ASH1L: variants seen among roughly 807,000 people sequenced by gnomAD.
ASH1L encodes histone-lysine N-methyltransferase ASH1L.
A neutral mutation model predicts 269.0 loss-of-function variants in ASH1L; 23 were observed. The observed-to-expected ratio is 0.09, with a 90% CI of 0.06 to 0.12. The LOEUF (loss-of-function observed/expected upper bound fraction) is 0.12. Ranked by LOEUF, ASH1L falls within the 10% of genes least tolerant of loss-of-function variation. The pLI, the probability that ASH1L is intolerant of heterozygous loss-of-function variation, is 1.00. For synonymous variants in ASH1L, 1,187 were observed against 1,253.5 expected (o/e 0.95, Z 1.12); for missense variants, 2,912 against 3,567.8 (o/e 0.82, Z 4.68).
At chr1:155,527,219 A>C (rs909331028) in intron 1 of ASH1L, among the ~76,000 whole-genome samples, 1 of 150,628 alleles carries the variant, frequency 6.6e-6, no homozygotes. Context: ...AAAAAAAAGA[A>C]AAAAAAAAAT....
chr1:155,423,256 C>CT (rs938204009), intron 5 of ASH1L, among the ~76,000 whole-genome samples: 8 of 145,406 alleles, frequency 5.5e-5, no homozygotes, highest in Non-Finnish European at 1.2e-4. Flanking sequence ...GACATGTATG[C>CT]TTTTTTAAGG....
chr1:155,555,079 G>A (rs554357328), intron 1 of ASH1L, among the ~76,000 whole-genome samples: 126 of 149,522 alleles, frequency 8.4e-4, no homozygotes, highest in African/African-American at 2.9e-3. Flanking sequence ...GGAGGAAGAG[G>A]TGCAGTGAGC....
intron 2 of ASH1L, among the ~76,000 whole-genome samples, chr1:155,483,616 C>CT (rs201503922): frequency 6.1e-5 from 9 of 148,294 alleles, no homozygotes; most frequent in African/African-American, 2.2e-4. Context: ...TAACTACATC[C>CT]TTTGACCCAG....
chr1:155,433,839 C>T (rs774325974), intron 5 of ASH1L: 59 of 1,606,714 alleles, frequency 3.7e-5, no homozygotes, highest in Non-Finnish European at 4.8e-5. Flanking sequence ...CTTCAGGAGA[C>T]ATGCAAAGCA....
Position 155,480,818 on chromosome 1 carries a change from C to G in ASH1L, c.2052G>C (p.Leu684=). The change falls in exon 3 of 28, where the codon CTG becomes CTC. Residue 684 remains leucine, a synonymous_variant. Coordinates refer to ENST00000392403, the MANE Select transcript of ASH1L (RefSeq NM_018489.3). The part of the protein sequence containing the change: ...SLFSNKPFLK[L]GAVSASDKHC... The stretch of plus-strand genomic sequence containing the variant: ...GTTTGTCTGATGCAGATACTGCACC[C>G]AGTTTTAAAAAAGGCTTATTACTAA... 1 of 1,613,746 alleles carries G rather than the reference C, an allele frequency of 6.2e-7. No individual in the cohort carries two copies. The highest frequency in any genetic ancestry group is 2.2e-5 in the East Asian group (1 of 44,874).
At chr1:155,421,011 A>G (rs945686768) in intron 5 of ASH1L, among the ~76,000 whole-genome samples, 1 of 151,056 alleles carries the variant, frequency 6.6e-6, no homozygotes, top group African/African-American at 2.4e-5. Context: ...CTGAGGCAGG[A>G]GGATCACTTG....
At chr1:155,546,498 T>G (rs905222264) in intron 1 of ASH1L, among the ~76,000 whole-genome samples, 1 of 151,930 alleles carries the variant, frequency 6.6e-6, no homozygotes, top group Admixed American at 6.6e-5. Context: ...CGGTGGCTCA[T>G]GCCTATAATC....
At chr1:155,536,321 C>CT in intron 1 of ASH1L, among the ~76,000 whole-genome samples, 1 of 152,120 alleles carries the variant, frequency 6.6e-6, no homozygotes, top group Admixed American at 6.6e-5. Context: ...CTTATAAAGA[C>CT]TTTAGCTTTT....
chr1:155,427,992 A>G (rs1661287947), intron 5 of ASH1L, among the ~76,000 whole-genome samples: 1 of 152,106 alleles, frequency 6.6e-6, no homozygotes, highest in Non-Finnish European at 1.5e-5. Context: ...TATACTCCCC[A>G]TGACTGTAAG....
intron 1 of ASH1L, among the ~76,000 whole-genome samples, chr1:155,557,329 C>T (rs1671666605): frequency 6.6e-6 from 1 of 151,934 alleles, no homozygotes; most frequent in African/African-American, 2.4e-5. Context: ...GTGGCGCAGT[C>T]TTGGCTCACT....
At chr1:155,448,295 C>T (rs1038556552) in intron 4 of ASH1L, among the ~76,000 whole-genome samples, 1 of 152,212 alleles carries the variant, frequency 6.6e-6, no homozygotes, top group Non-Finnish European at 1.5e-5. Flanking sequence ...TCCCTTTCAG[C>T]TTAGAAATAG....
intron 2 of ASH1L, among the ~76,000 whole-genome samples, chr1:155,503,790 A>G (rs1667651413): frequency 6.6e-6 from 1 of 152,176 alleles, no homozygotes; most frequent in Non-Finnish European, 1.5e-5. Flanking sequence ...AGTGGCATGA[A>G]CACAACTTAC....
intron 2 of ASH1L, among the ~76,000 whole-genome samples, chr1:155,514,433 T>G (rs764083458): frequency 1.3e-5 from 2 of 152,244 alleles, no homozygotes; most frequent in African/African-American, 2.4e-5. Flanking sequence ...TTTGCACTGT[T>G]GAAATTTGCC....
Position 155,343,479 on chromosome 1 carries a change from G to A in ASH1L, c.8128C>T (p.Arg2710Trp). 1 of 1,613,922 alleles carries A rather than the reference G, an allele frequency of 6.2e-7. No homozygotes were observed. The highest frequency in any genetic ancestry group is 8.5e-7 in the Non-Finnish European group (1 of 1,179,908). ...EKLWKNEKEE[R>W]FAFGHHYFRP... is the part of the protein sequence containing the mutation. ...AAATAATGGTGACCAAAGGCAAACCGTTCCTCTCTAAAACAATGGAAAAGT... is the reference window on the plus strand; with the variant it reads ...AAATAATGGTGACCAAAGGCAAACCATTCCTCTCTAAAACAATGGAAAAGT... Residue 2710 changes from arginine to tryptophan, a missense_variant, in exon 24 of 28, where the codon CGG becomes TGG. Physicochemically the swap from Arg to Trp is moderately radical, Grantham distance 101 (BLOSUM62 -3). Coordinates refer to ENST00000392403, the MANE Select transcript of ASH1L (RefSeq NM_018489.3). The surrounding 1 kb of genome is among the most constrained non-coding windows in gnomAD (Gnocchi z 6.1).
chr1:155,517,642 AAAACAAACAAACAAAC>A (rs143180872), intron 2 of ASH1L, among the ~76,000 whole-genome samples: 33 of 150,368 alleles, frequency 2.2e-4, no homozygotes, highest in South Asian at 1.9e-3. Flanking sequence ...GACTCCATCT[AAAACAAACAAACAAAC>A]AAACAAACAA....
intron 3 of ASH1L, among the ~76,000 whole-genome samples, chr1:155,464,322 T>C (rs1664519843): frequency 6.6e-6 from 1 of 152,182 alleles, no homozygotes; most frequent in Non-Finnish European, 1.5e-5. Context: ...GTTCCCATCA[T>C]TTTTCATTTC....
chr1:155,439,179 C>T (rs1208107560), intron 4 of ASH1L, 111 bp from the exon 5 acceptor site: 5 of 1,158,270 alleles, frequency 4.3e-6, no homozygotes, highest in African/African-American at 1.6e-5. Flanking sequence ...AGCAAGATTA[C>T]ACATCATAGG....
chr1:155,344,523 AGGGGC>A, intron 21 of ASH1L: 1 of 358,492 alleles, frequency 2.8e-6, no homozygotes, highest in Non-Finnish European at 5.1e-6. Flanking sequence ...TACGTAATCT[AGGGGC>A]CATATGAAAA....
chr1:155,463,494 T>C (rs1241877496), intron 3 of ASH1L, among the ~76,000 whole-genome samples: 1 of 152,174 alleles, frequency 6.6e-6, no homozygotes, highest in Admixed American at 6.5e-5. Context: ...CTTAGGTTTA[T>C]TATGGAATTT....
Sources: gnomAD v4.1 joint callset for allele counts (sites outside exome capture counted in the v4.1 genomes callset) on GRCh38, gnomAD v4.1.1 for gene constraint, Gnocchi (gnomAD v3.1) non-coding constraint, MANE v1.5 for transcripts, NCBI Gene and HGNC (gene_info 2026-07-23, HGNC 2026-07-21) for gene names.